PCDH7: variants seen among roughly 807,000 people sequenced by gnomAD.
The protein encoded by PCDH7 is protocadherin-7.
A neutral mutation model predicts 58.9 loss-of-function variants in PCDH7; 17 were observed. The ratio of observed to expected loss-of-function variants is 0.29; its 90% confidence interval spans 0.20 to 0.43. The LOEUF (loss-of-function observed/expected upper bound fraction) is 0.43. Among genes scored for constraint, PCDH7 ranks in the 20% least tolerant of loss-of-function variants. The pLI is 1.00. For missense variants in PCDH7, 1,274 were observed against 1,441.0 expected (o/e 0.88, Z 1.88); for synonymous variants, 664 against 616.4 (o/e 1.08, Z -1.14).
Position 30,723,088 on chromosome 4 carries a change from A to C in PCDH7, c.1666A>C (p.Thr556Pro). The C allele has an allele frequency of 6.2e-7, 1 of 1,613,916 alleles. No homozygotes were observed. Among genetic ancestry groups the C allele is most frequent in the Non-Finnish European group, 8.5e-7 (1 of 1,180,036 alleles). ...CAACATCCCGGGCGAGAGGGTGGCC[A>C]CGGTGCTGGCGACAGACGCAGACAG... Residue 556 changes from threonine (T) to proline (P), a missense_variant, in exon 1 of 2, where the codon ACG becomes CCG. This residue lies in a region of PCDH7 where 731 missense variants were observed against 881.9 expected (regional missense o/e 0.83). Transcript: ENST00000361762. This position sits in a 1 kb window ranked among gnomAD's most constrained non-coding sequence, Gnocchi z 4.6.
intron 2 of PCDH7, among the ~76,000 whole-genome samples, chr4:30,922,593 T>C (rs1051028991): frequency 3.9e-5 from 6 of 152,112 alleles, no homozygotes; most frequent in African/African-American, 1.4e-4. Context: ...GGTGAGCTTG[T>C]TAATAAAATA....
At chr4:30,807,966 C>T (rs1195209730) in intron 1 of PCDH7, among the ~76,000 whole-genome samples, 2 of 152,144 alleles carry the variant, frequency 1.3e-5, no homozygotes, top group African/African-American at 2.4e-5. Context: ...GCAGTCACAG[C>T]GGGCTCTCTG....
At chr4:30,900,097 C>A (rs77364253) in intron 1 of PCDH7, among the ~76,000 whole-genome samples, 4,148 of 152,214 alleles carry the variant, frequency 0.027, 187 homozygotes, top group African/African-American at 0.093. Flanking sequence ...GATCACCAGA[C>A]ACACAAAGAT....
intron 3 of PCDH7, among the ~76,000 whole-genome samples, chr4:31,090,030 A>G (rs1005096986): frequency 6.6e-6 from 1 of 152,034 alleles, no homozygotes; most frequent in African/African-American, 2.4e-5. Context: ...TGTCGTGTAC[A>G]TAGGCAAACC....
chr4:31,056,465 G>GAAAGA (rs1757208555), intron 3 of PCDH7, among the ~76,000 whole-genome samples: 1 of 100,836 alleles, frequency 9.9e-6, no homozygotes, highest in Admixed American at 1.1e-4. Flanking sequence ...AAAGAAGAAA[G>GAAAGA]AAAGAAAGAA....
intron 2 of PCDH7, among the ~76,000 whole-genome samples, chr4:30,928,061 G>A (rs988299039): frequency 3.3e-5 from 5 of 151,918 alleles, no homozygotes; most frequent in African/African-American, 9.7e-5. Flanking sequence ...CTACAGCCTC[G>A]ACCTCCTGGG....
chr4:30,926,100 G>T (rs1743832281), intron 2 of PCDH7, among the ~76,000 whole-genome samples: 1 of 151,824 alleles, frequency 6.6e-6, no homozygotes. Context: ...GTAATAAGTT[G>T]TATTTTCACT....
At chr4:31,002,289 A>T (rs945242584) in intron 3 of PCDH7, among the ~76,000 whole-genome samples, 3 of 152,228 alleles carry the variant, frequency 2.0e-5, no homozygotes, top group Non-Finnish European at 1.5e-5. Flanking sequence ...CCATGGTTTC[A>T]CCAGCAGTGC....
intron 3 of PCDH7, among the ~76,000 whole-genome samples, chr4:31,027,362 G>A (rs1166936496): frequency 2.0e-5 from 3 of 152,016 alleles, no homozygotes; most frequent in Non-Finnish European, 4.4e-5. Context: ...ACATTATTCA[G>A]TTTAAAACTC....
chr4:30,844,741 A>C (rs2109341380), intron 1 of PCDH7, among the ~76,000 whole-genome samples: 1 of 152,320 alleles, frequency 6.6e-6, no homozygotes, highest in East Asian at 1.9e-4. Context: ...ATATTAATGA[A>C]ATAAACTTGA....
intron 1 of PCDH7, among the ~76,000 whole-genome samples, chr4:30,837,889 T>C (rs1435424208): frequency 9.4e-6 from 1 of 106,332 alleles, no homozygotes; most frequent in Non-Finnish European, 1.8e-5. Context: ...ATATATTTAT[T>C]ATGTATATTT....
intron 3 of PCDH7, among the ~76,000 whole-genome samples, chr4:31,139,904 G>C (rs1386660374): frequency 6.6e-6 from 1 of 152,290 alleles, no homozygotes; most frequent in Middle Eastern, 3.4e-3. Flanking sequence ...AATGACAGGA[G>C]ATCCTTATTA....
chr4:30,898,900 T>C (rs1304905383), intron 1 of PCDH7, among the ~76,000 whole-genome samples: 1 of 152,112 alleles, frequency 6.6e-6, no homozygotes, highest in Non-Finnish European at 1.5e-5. Context: ...CTGAAATCCC[T>C]ATTTTTTAGC....
At chr4:31,031,306 A>G (rs952551728) in intron 3 of PCDH7, among the ~76,000 whole-genome samples, 6 of 152,238 alleles carry the variant, frequency 3.9e-5, no homozygotes, top group Non-Finnish European at 2.9e-5. Flanking sequence ...AGTAAGTAGA[A>G]GTCAAGAATG....
intron 1 of PCDH7, among the ~76,000 whole-genome samples, chr4:30,916,941 G>A (rs1742545245): frequency 6.6e-6 from 1 of 152,112 alleles, no homozygotes; most frequent in Admixed American, 6.6e-5. Context: ...AGTTCTCTGG[G>A]TGATACTAAG....
chr4:31,071,744 C>A lies in PCDH7; in HGVS notation c.*8-70729C>A, dbSNP rs567901627. Among the ~76,000 whole-genome samples, 12 of 152,068 alleles carry A rather than the reference C, an allele frequency of 7.9e-5. No individual in the cohort carries two copies. The South Asian group carries it at 2.1e-3, about 26-fold the overall frequency. On this transcript the variant is annotated intron_variant, in intron 3 of 3. Transcript: ENST00000509759. ...ATCATCCTCCCAGGCAGAGATCCCTCGCATTTCATTTAGGTTTATTCCTTT... is the reference window on the plus strand; with the variant it reads ...ATCATCCTCCCAGGCAGAGATCCCTAGCATTTCATTTAGGTTTATTCCTTT...
At chr4:31,145,225 G>A (rs1246877752), downstream of PCDH7, 1 of 151,924 alleles carries the variant, frequency 6.6e-6, no homozygotes. Context: ...ATTCAAGATA[G>A]CCATGCCATT....
intron 3 of PCDH7, among the ~76,000 whole-genome samples, chr4:31,085,853 C>CT (rs10650645): frequency 0.047 from 6,506 of 138,878 alleles, 246 homozygotes; most frequent in African/African-American, 0.1. Context: ...CTCTCTCTCT[C>CT]TTTTTTTTTT....
chr4:30,878,433 G>A (rs896525021), intron 1 of PCDH7, among the ~76,000 whole-genome samples: 1 of 152,110 alleles, frequency 6.6e-6, no homozygotes, highest in Non-Finnish European at 1.5e-5. Context: ...TGTACTAGGA[G>A]GGAGAATGGT....
Sources: allele counts gnomAD v4.1 joint callset (sites outside exome capture counted in the v4.1 genomes callset), GRCh38; gene constraint gnomAD v4.1.1; regional missense constraint gnomAD v4.1.1; non-coding constraint Gnocchi (gnomAD v3.1); transcripts MANE v1.5; gene names NCBI Gene and HGNC (gene_info 2026-07-23, HGNC 2026-07-21).